The following OPRD1 variants were observed in gnomAD, a reference collection of about 807,000 sequenced individuals.
The protein encoded by OPRD1 is delta-type opioid receptor.
In OPRD1, 19 loss-of-function variants were observed where a neutral mutation model predicts 17.5. The observed-to-expected ratio is 1.09, with a 90% CI of 0.76 to 1.60. The LOEUF is 1.60. Among genes scored for constraint, OPRD1 ranks in the 40% most tolerant of loss-of-function variants. The probability of loss-of-function intolerance (pLI) is 0.00; values close to 1 mark genes in which losing one functional copy is unlikely to be tolerated. For missense variants in OPRD1, 483 were observed against 547.2 expected (o/e 0.88, Z 1.17); for synonymous variants, 256 against 240.9 (o/e 1.06, Z -0.58).
At position 28,869,412 on chromosome 1, in the gene OPRD1, A is replaced by G. The variant is rs2089199428; in HGVS notation, c.*6129A>G. On this transcript the variant is annotated 3_prime_UTR_variant, in exon 3 of 3. Coordinates refer to ENST00000234961, the MANE Select transcript of OPRD1 (RefSeq NM_000911.4). ...TTGCCCGGGTTCTAGTCCCAGCACC[A>G]TCACCGGGGATGAGCCGTTTCAGAG... is the stretch of plus-strand genomic sequence containing the variant. The G allele has an allele frequency of 6.6e-6, 1 of 152,200 alleles. No homozygotes were observed. The allele number at this position is 152,200 out of a possible 1,614,324, so 9.4% of individuals were successfully genotyped here. A position where few individuals can be genotyped will look rare whatever the true frequency, so the allele number is the denominator to read the frequency against.
intron 1 of OPRD1, among the ~76,000 whole-genome samples, chr1:28,830,996 GCCCCACCAGATGCTGT>G (rs1464771146): frequency 1.3e-5 from 2 of 152,238 alleles, no homozygotes; most frequent in African/African-American, 4.8e-5. Context: ...GCTTCTCCTG[GCCCCACCAGATGCTGT>G]CCCCACCAGA....
Position 28,862,913 on chromosome 1 carries a change from A to G in OPRD1, c.749A>G (p.Lys250Arg), listed in dbSNP as rs145954249. Residue 250 changes from lysine to arginine, a missense_variant, in exon 3 of 3, where the codon AAG (lysine) becomes AGG (arginine). By Grantham distance (26) the Lys-to-Arg change is conservative. Coordinates refer to ENST00000234961, the MANE Select transcript of OPRD1 (RefSeq NM_000911.4). ...AGTGTGCGCCTGCTGTCGGGCTCCA[A>G]GGAGAAGGACCGCAGCCTGCGGCGC... ...LRSVRLLSGS[K>R]EKDRSLRRIT... The G allele has an allele frequency of 6.8e-5, 110 of 1,612,842 alleles. No individual in the cohort carries two copies. The African/African-American group carries it at 1.0e-3, about 15-fold the overall frequency.
intron 1 of OPRD1, among the ~76,000 whole-genome samples, chr1:28,823,242 G>T (rs2088731372): frequency 6.9e-6 from 1 of 145,520 alleles, no homozygotes; most frequent in Non-Finnish European, 1.5e-5. Flanking sequence ...TATCACCCAG[G>T]CTGGAGTGCA....
intron 1 of OPRD1, among the ~76,000 whole-genome samples, chr1:28,816,828 T>C (rs914388265): frequency 6.6e-6 from 1 of 152,090 alleles, no homozygotes; most frequent in African/African-American, 2.4e-5. Flanking sequence ...AGACTTCCCA[T>C]GGGCAGCCCA....
intron 1 of OPRD1, among the ~76,000 whole-genome samples, chr1:28,847,096 G>A (rs1258219848): frequency 6.9e-6 from 1 of 145,048 alleles, no homozygotes; most frequent in Non-Finnish European, 1.5e-5. Context: ...TTGTGGCCCA[G>A]GCTGGAGTTC....
intron 2 of OPRD1, among the ~76,000 whole-genome samples, chr1:28,861,299 C>T (rs1209611640): frequency 6.6e-6 from 1 of 152,120 alleles, no homozygotes; most frequent in Admixed American, 6.5e-5. Flanking sequence ...AATCCCACAA[C>T]ACCCCCTAAG....
intron 1 of OPRD1, among the ~76,000 whole-genome samples, chr1:28,830,865 C>T (rs2088803397): frequency 6.6e-6 from 1 of 152,204 alleles, no homozygotes; most frequent in Non-Finnish European, 1.5e-5. Flanking sequence ...GGGGATGATG[C>T]TGTATGGCTT....
chr1:28,860,607 A>G (rs894067471), intron 2 of OPRD1, among the ~76,000 whole-genome samples: 2 of 152,194 alleles, frequency 1.3e-5, no homozygotes, highest in African/African-American at 4.8e-5. Flanking sequence ...CTATTAAATG[A>G]TTAAGCCTGT....
At chr1:28,812,805 T>G (rs2088643578) in intron 1 of OPRD1, among the ~76,000 whole-genome samples, 195 bp downstream of exon 1, 2 of 151,956 alleles carry the variant, frequency 1.3e-5, no homozygotes, top group African/African-American at 2.4e-5. Context: ...TGTGTATGTG[T>G]GTGTGTGGTG....
At chr1:28,831,694 C>T (rs934533316) in intron 1 of OPRD1, among the ~76,000 whole-genome samples, 2 of 152,136 alleles carry the variant, frequency 1.3e-5, no homozygotes, top group Non-Finnish European at 2.9e-5. Flanking sequence ...ACAGGCACCA[C>T]CATGCCTGGC....
chr1:28,839,551 C>T (rs538343640), intron 1 of OPRD1, among the ~76,000 whole-genome samples: 6 of 152,238 alleles, frequency 3.9e-5, no homozygotes, highest in African/African-American at 1.2e-4. Context: ...AGGCTGGAGC[C>T]GTTTGTTCAG....
rs1048905199 is a variant in OPRD1 at position 28,869,316 on chromosome 1, G to C, written c.*6033G>C. On this transcript the variant is annotated 3_prime_UTR_variant, in exon 3 of 3. Coordinates refer to ENST00000234961, the MANE Select transcript of OPRD1 (RefSeq NM_000911.4). ...GCAGGCAGCTTGGGAATTCAAAATG[G>C]GGCTTAGAGAGGAGCTGGAGGGGGC... 1 of 152,464 alleles carries C rather than the reference G, an allele frequency of 6.6e-6. No homozygotes were observed. Among genetic ancestry groups the C allele is most frequent in the African/African-American group, 2.4e-5 (1 of 41,428 alleles). 9.4% of individuals were successfully genotyped at this position (152,464 alleles called of 1,614,324 possible). A position where few individuals can be genotyped will look rare whatever the true frequency, so the allele number is the denominator to read the frequency against.
Position 28,818,572 on chromosome 1 carries a change from C to T in OPRD1, c.227+5962C>T, listed in dbSNP as rs376116674. 7.2e-5 allele frequency among the ~76,000 whole-genome samples: 11 copies of T among 152,230 alleles called. No individual in the cohort carries two copies. In the East Asian group the frequency reaches 7.7e-4, roughly 11 times the overall value. On this transcript the variant is annotated intron_variant, in intron 1 of 2. Coordinates refer to ENST00000234961, the MANE Select transcript of OPRD1 (RefSeq NM_000911.4). ...ATTCACCAATTCACCGAGGCTGAGA[C>T]GAGAGTGTTGGGGACCAGGGTGGCT...
At chr1:28,843,258 G>A (rs548899533) in intron 1 of OPRD1, among the ~76,000 whole-genome samples, 12 of 152,142 alleles carry the variant, frequency 7.9e-5, no homozygotes, top group Non-Finnish European at 1.3e-4. Context: ...CTTGATTACC[G>A]CCTTTTTTAT....
At chr1:28,847,962 A>G (rs2088967998) in intron 1 of OPRD1, among the ~76,000 whole-genome samples, 1 of 151,984 alleles carries the variant, frequency 6.6e-6, no homozygotes, top group African/African-American at 2.4e-5. Flanking sequence ...ATTGGAAAAA[A>G]AATTTGCCAG....
At chr1:28,850,273 G>T (rs2873795) in intron 1 of OPRD1, among the ~76,000 whole-genome samples, 62,619 of 151,900 alleles carry the variant, frequency 0.41, 14,957 homozygotes, top group East Asian at 0.87. Context: ...AGGAACACTT[G>T]AACCCAGGAG....
Position 28,812,349 on chromosome 1 carries a change from G to T in OPRD1, c.-35G>T. On this transcript the variant is annotated 5_prime_UTR_variant, in exon 1 of 3. Transcript: ENST00000234961. ...TCGGATCCCCGCGCCCAGGGCGCAC[G>T]GTGGAGAGGGACGCGGCGGAGCCGG... 3.1e-6 allele frequency: 4 copies of T among 1,281,786 alleles called. No homozygotes were observed. Among genetic ancestry groups the T allele is most frequent in the Non-Finnish European group, 4.0e-6 (4 of 1,011,682 alleles). 79.4% of individuals were successfully genotyped at this position (1,281,786 alleles called of 1,614,324 possible). A position where few individuals can be genotyped will look rare whatever the true frequency, so the allele number is the denominator to read the frequency against.
rs1357600168 is a variant in OPRD1, at chr1:28,812,371, C to A, written c.-13C>A. ...CACGGTGGAGAGGGACGCGGCGGAG[C>A]CGGCCGGCAGCCATGGAACCGGCCC... On this transcript the variant is annotated 5_prime_UTR_variant, in exon 1 of 3. Coordinates refer to ENST00000234961, the MANE Select transcript of OPRD1 (RefSeq NM_000911.4). The A allele has an allele frequency of 3.7e-6, 5 of 1,369,558 alleles. No homozygotes were observed. The highest frequency in any genetic ancestry group is 4.7e-6 in the Non-Finnish European group (5 of 1,069,232). The allele number at this position is 1,369,558 out of a possible 1,614,324, so 84.8% of individuals were successfully genotyped here.
chr1:28,846,622 G>T (rs2088945870), intron 1 of OPRD1, among the ~76,000 whole-genome samples: 1 of 151,450 alleles, frequency 6.6e-6, no homozygotes, highest in Non-Finnish European at 1.5e-5. Flanking sequence ...GGTGGAGGTT[G>T]CAGTGAGCCG....
Sources: gnomAD v4.1 joint callset for allele counts (sites outside exome capture counted in the v4.1 genomes callset) on GRCh38, gnomAD v4.1.1 for gene constraint, MANE v1.5 for transcripts, NCBI Gene and HGNC (gene_info 2026-07-23, HGNC 2026-07-21) for gene names.